ADGRF5: variants seen among roughly 807,000 people sequenced by gnomAD.
ADGRF5 encodes G-protein coupled receptor 116.
ADGRF5 carries 75 observed loss-of-function variants against 132.3 expected under a neutral mutation model. The observed-to-expected ratio is 0.57, with a 90% CI of 0.47 to 0.69. The LOEUF (loss-of-function observed/expected upper bound fraction) is 0.69. Among genes scored for constraint, ADGRF5 ranks in the 30% least tolerant of loss-of-function variants. The pLI, the probability that ADGRF5 is intolerant of heterozygous loss-of-function variation, is 0.00. For missense variants in ADGRF5, 1,516 were observed against 1,630.6 expected, an observed-to-expected ratio of 0.93 and a Z score of 1.21; for synonymous variants, 629 against 597.6, an observed-to-expected ratio of 1.05 and a Z score of -0.77.
rs754446137 is a variant in ADGRF5, at chr6:46,865,118, A to C, written c.1914T>G (p.Val638=). ...CATTGGTAAAGTGACAACACACATC[A>C]ACAGTTTTTGAACACCAGGAAACTG... ...ASSVSWCSKT[V]DVCCHFTNAA... Residue 638 remains valine (V), a synonymous_variant, in exon 14 of 21, where the codon GTT becomes GTG. Coordinates refer to ENST00000283296, the MANE Select transcript of ADGRF5 (RefSeq NM_001098518.2). 2 of 1,610,764 alleles carry C rather than the reference A, an allele frequency of 1.2e-6. No homozygotes were observed.
At chr6:46,894,912 C>T (rs570783370) in intron 3 of ADGRF5, among the ~76,000 whole-genome samples, 98 of 152,326 alleles carry the variant, frequency 6.4e-4, no homozygotes, top group Non-Finnish European at 1.3e-3. Flanking sequence ...GGTGTGGAGG[C>T]TTACGCCTGT....
At chr6:46,942,944 T>C (rs2150944793) in intron 1 of ADGRF5, among the ~76,000 whole-genome samples, 1 of 152,292 alleles carries the variant, frequency 6.6e-6, no homozygotes, top group South Asian at 2.1e-4. Flanking sequence ...AAAATGGACC[T>C]AGTGCATATC....
intron 1 of ADGRF5, among the ~76,000 whole-genome samples, chr6:46,934,833 A>G (rs776974815): frequency 2.6e-5 from 4 of 152,166 alleles, no homozygotes; most frequent in Non-Finnish European, 5.9e-5. Context: ...GTAGAACACT[A>G]TTTATTAAAA....
At chr6:46,941,176 A>G (rs866904778) in intron 1 of ADGRF5, among the ~76,000 whole-genome samples, 2 of 152,000 alleles carry the variant, frequency 1.3e-5, no homozygotes, top group Non-Finnish European at 2.9e-5. Context: ...CTCTACAAAC[A>G]ATAAAAAGCC....
At chr6:46,894,171 A>C (rs1773942588) in intron 3 of ADGRF5, among the ~76,000 whole-genome samples, 1 of 152,228 alleles carries the variant, frequency 6.6e-6, no homozygotes, top group Non-Finnish European at 1.5e-5. Flanking sequence ...TGTTGGTCTT[A>C]GCAAGTAAAT....
At position 46,939,147 on chromosome 6, in the gene ADGRF5, G is replaced by A. The variant is rs541536180; in HGVS notation, c.-25+15587C>T. Among the ~76,000 whole-genome samples the A allele has an allele frequency of 2.4e-4, 36 of 152,332 alleles. No individual in the cohort carries two copies. The East Asian group carries it at 6.6e-3, about 28-fold the overall frequency. ...GGCCTCCCAAGTTGCTGGGATTACAGGCGTGAGCCACCACGCCCAGCCTTT... is the reference window on the plus strand; with the variant it reads ...GGCCTCCCAAGTTGCTGGGATTACAAGCGTGAGCCACCACGCCCAGCCTTT... On this transcript the variant is annotated intron_variant, in intron 1 of 20. Coordinates refer to the ADGRF5 transcript ENST00000265417.
intron 3 of ADGRF5, among the ~76,000 whole-genome samples, chr6:46,895,434 C>T (rs1246457078): frequency 6.6e-6 from 1 of 151,460 alleles, no homozygotes; most frequent in Non-Finnish European, 1.5e-5. Flanking sequence ...ATCATGAAAA[C>T]CCAAAAGTCT....
At chr6:46,881,690 A>C in intron 7 of ADGRF5, 93 bp from the exon 8 acceptor site, 1 of 1,062,048 alleles carries the variant, frequency 9.4e-7, no homozygotes. Flanking sequence ...AAAATAGCAC[A>C]AACTGCCTGA....
In ADGRF5 at chr6:46,860,789, T is replaced by C; in HGVS notation, c.2305A>G (p.Ser769Gly). The change falls in exon 16 of 21, where the codon AGT becomes GGT. Residue 769 changes from serine to glycine, a missense_variant. Coordinates refer to ENST00000283296, the MANE Select transcript of ADGRF5 (RefSeq NM_001098518.2). Reference sequence around the variant, plus strand: ...AGGATGTTAATAATGGCTCCCAGACTCCCAGGAGAAGAGCTGATTTCATGT... The same window carrying C: ...AGGATGTTAATAATGGCTCCCAGACCCCCAGGAGAAGAGCTGATTTCATGT... ...AEHEISSSPG[S>G]LGAIINILDL... is the part of the protein sequence containing the mutation. 6.2e-7 allele frequency: 1 copy of C among 1,613,400 alleles called. No homozygotes were observed. The highest frequency in any genetic ancestry group is 8.5e-7 in the Non-Finnish European group (1 of 1,179,308).
At chr6:46,896,083 G>T (rs111883945) in intron 3 of ADGRF5, among the ~76,000 whole-genome samples, 1 of 152,130 alleles carries the variant, frequency 6.6e-6, no homozygotes, top group Non-Finnish European at 1.5e-5. Flanking sequence ...TGGCAGAGTC[G>T]CATGTCTAGA....
rs1768751046 is a variant in ADGRF5, at chr6:46,853,974, GGT to G, written c.*16_*17del. The G allele has an allele frequency of 2.6e-6, 4 of 1,561,590 alleles. No individual in the cohort carries two copies. The highest frequency in any genetic ancestry group is 3.5e-6 in the Non-Finnish European group (4 of 1,142,688). ...GCCACTGTCCCCGGGAGGTCACGTAGGTTGGATTATCCTGTTCTTAGTTGAGC... is the reference window on the plus strand; with the variant it reads ...GCCACTGTCCCCGGGAGGTCACGTAGTGGATTATCCTGTTCTTAGTTGAGC... On this transcript the variant is annotated 3_prime_UTR_variant, in exon 21 of 21. Coordinates refer to ENST00000283296, the MANE Select transcript of ADGRF5 (RefSeq NM_001098518.2).
At chr6:46,899,817 G>A (rs1169981637) in intron 3 of ADGRF5, among the ~76,000 whole-genome samples, 1 of 151,964 alleles carries the variant, frequency 6.6e-6, no homozygotes, top group Non-Finnish European at 1.5e-5. Flanking sequence ...AATGGGGAGG[G>A]AAGGAGGGTT....
intron 6 of ADGRF5, among the ~76,000 whole-genome samples, chr6:46,882,960 T>G (rs147358452): frequency 6.6e-6 from 1 of 152,204 alleles, no homozygotes; most frequent in Non-Finnish European, 1.5e-5. Flanking sequence ...TGTAATAATC[T>G]GTGCCACATC....
At chr6:46,902,308 A>T (rs1490136925) in intron 2 of ADGRF5, among the ~76,000 whole-genome samples, 1 of 152,180 alleles carries the variant, frequency 6.6e-6, no homozygotes, top group Non-Finnish European at 1.5e-5. Context: ...CTTCAAGGCA[A>T]CAGTTAGGGG....
At chr6:46,940,489 A>G (rs903371041) in intron 1 of ADGRF5, among the ~76,000 whole-genome samples, 1 of 152,256 alleles carries the variant, frequency 6.6e-6, no homozygotes, top group South Asian at 2.1e-4. Context: ...AGGAAATAAC[A>G]GCCCTCAGGA....
chr6:46,856,118 C>T, intron 19 of ADGRF5, 60 bp from the exon 20 acceptor site: 1 of 943,580 alleles, frequency 1.1e-6, no homozygotes, highest in Non-Finnish European at 1.7e-6. Context: ...AAGCTGTTTC[C>T]ATCTCTAGAA....
upstream of ADGRF5, among the ~76,000 whole-genome samples, chr6:46,922,318 A>G (rs1777015001): frequency 6.6e-6 from 1 of 152,192 alleles, no homozygotes. Context: ...GAAAAAAAGA[A>G]TCCGCAGAAG....
Position 46,918,075 on chromosome 6 carries a change from T to G in ADGRF5, c.-25+3638A>C, listed in dbSNP as rs528292046. Among the ~76,000 whole-genome samples the G allele has an allele frequency of 2.0e-5, 3 of 152,360 alleles. No homozygotes were observed. In the East Asian group the frequency reaches 5.8e-4, roughly 29 times the overall value. ...TCTACTAGGCTGTAATTTTAAAGATTTCACGTTGGCGATTACCTTTTAGGA... is the reference window on the plus strand; with the variant it reads ...TCTACTAGGCTGTAATTTTAAAGATGTCACGTTGGCGATTACCTTTTAGGA... On this transcript the variant is annotated intron_variant, in intron 1 of 20. Transcript: ENST00000283296.
At chr6:46,887,178 G>A (rs1468621160) in intron 4 of ADGRF5, 1 of 152,190 alleles carries the variant, frequency 6.6e-6, no homozygotes, top group Non-Finnish European at 1.5e-5. Context: ...TACTTGGTCT[G>A]TTTTGTTTAC....
Sources: gnomAD v4.1 joint callset for allele counts (sites outside exome capture counted in the v4.1 genomes callset) on GRCh38, gnomAD v4.1.1 for gene constraint, MANE v1.5 for transcripts, NCBI Gene and HGNC (gene_info 2026-07-23, HGNC 2026-07-21) for gene names.